NRG4: variants seen among roughly 807,000 people sequenced by gnomAD.
NRG4 encodes the protein pro-neuregulin-4, membrane-bound isoform.
In NRG4, 10 loss-of-function variants were observed where a neutral mutation model predicts 15.0. The ratio of observed to expected loss-of-function variants is 0.67; its 90% CI spans 0.41 to 1.13. The LOEUF (loss-of-function observed/expected upper bound fraction) is 1.13, where lower values mean the gene tolerates loss of function less well. NRG4 is among the 50% of genes most tolerant of loss of function. NRG4 has a pLI of 0.00. For synonymous variants in NRG4, 41 were observed against 50.1 expected (o/e 0.82, Z 0.77); for missense variants, 139 against 140.2 (o/e 0.99, Z 0.04).
chr15:75,961,990 T>G lies in NRG4; in HGVS notation c.105-16A>C. On this transcript the variant is annotated splice_polypyrimidine_tract_variant and intron_variant, in intron 3 of 5. Transcript: ENST00000394907. ...TTCAACGCACCTACAGAATAAAATTTTAGATAAAGAATTGCATTCTGTGTT... is the reference window on the plus strand; with the variant it reads ...TTCAACGCACCTACAGAATAAAATTGTAGATAAAGAATTGCATTCTGTGTT... 2 of 1,584,208 alleles carry G rather than the reference T, an allele frequency of 1.3e-6. No homozygotes were observed. The highest frequency in any genetic ancestry group is 1.7e-6 in the Non-Finnish European group (2 of 1,164,366).
intron 5 of NRG4, among the ~76,000 whole-genome samples, chr15:76,020,618 A>G (rs1331807616): frequency 6.6e-6 from 1 of 152,196 alleles, no homozygotes; most frequent in African/African-American, 2.4e-5. Context: ...AAAATCACAA[A>G]AAAATCTTAT....
intron 3 of NRG4, among the ~76,000 whole-genome samples, chr15:75,995,758 T>C (rs1341507294): frequency 6.6e-6 from 1 of 152,174 alleles, no homozygotes; most frequent in African/African-American, 2.4e-5. Context: ...TAGCTGAATA[T>C]GCATTAACAT....
chr15:75,956,339 G>A (rs2032237249), intron 4 of NRG4, among the ~76,000 whole-genome samples: 1 of 152,038 alleles, frequency 6.6e-6, no homozygotes, highest in South Asian at 2.1e-4. Context: ...TGTAATTTTT[G>A]TGCTCTTTTT....
intron 3 of NRG4, chr15:75,969,045 G>A (rs2032969677): frequency 9.4e-6 from 3 of 318,648 alleles, no homozygotes; most frequent in Non-Finnish European, 1.9e-5. Flanking sequence ...ACCAGGAACA[G>A]CTGGAAAGAC....
chr15:76,041,923 G>A (rs2035752728), intron 4 of NRG4, among the ~76,000 whole-genome samples: 1 of 152,052 alleles, frequency 6.6e-6, no homozygotes, highest in Non-Finnish European at 1.5e-5. Flanking sequence ...TAGACCATAT[G>A]TTAGGTCAAA....
intron 3 of NRG4, among the ~76,000 whole-genome samples, chr15:75,988,606 C>G (rs1251252970): frequency 6.6e-6 from 1 of 152,140 alleles, no homozygotes; most frequent in African/African-American, 2.4e-5. Flanking sequence ...TAGGTCTTTG[C>G]TGAATGAAGA....
intron 5 of NRG4, among the ~76,000 whole-genome samples, chr15:75,946,641 G>A (rs1327971942): frequency 9.2e-5 from 14 of 152,132 alleles, no homozygotes; most frequent in African/African-American, 2.4e-5. Context: ...TTATAGGCGT[G>A]AGCCACCGCG....
At chr15:75,944,797 G>A (rs1441970787) in intron 5 of NRG4, among the ~76,000 whole-genome samples, 1 of 151,548 alleles carries the variant, frequency 6.6e-6, no homozygotes, top group African/African-American at 2.4e-5. Flanking sequence ...TTATAGTTAT[G>A]GTGTTGCAGT....
At chr15:76,017,014 T>C (rs2034998012), upstream of NRG4, among the ~76,000 whole-genome samples, 2 of 152,184 alleles carry the variant, frequency 1.3e-5, no homozygotes, top group Non-Finnish European at 2.9e-5. Flanking sequence ...TGCTCCTGTA[T>C]TGGGTGCATA....
chr15:76,009,091 C>A, intron 3 of NRG4, 109 bp downstream of exon 3: 1 of 712,260 alleles, frequency 1.4e-6, no homozygotes, highest in African/African-American at 1.8e-5. Context: ...ATGAATATGC[C>A]TCACATCTTT....
intron 4 of NRG4, chr15:75,958,924 CA>C (rs1420073900): frequency 5.4e-6 from 1 of 183,554 alleles, no homozygotes; most frequent in Admixed American, 6.0e-5. Flanking sequence ...AATGGGTTGG[CA>C]AAGGAATTTC....
At position 76,001,038 on chromosome 15, in the gene NRG4, G is replaced by A. The variant is rs529377235; in HGVS notation, c.104+8162C>T. Among the ~76,000 whole-genome samples the A allele has an allele frequency of 3.9e-5, 6 of 152,212 alleles. No individual in the cohort carries two copies. In the South Asian group the frequency reaches 1.2e-3, roughly 32 times the overall value. On this transcript the variant is annotated intron_variant, in intron 3 of 5. Coordinates refer to ENST00000394907, the MANE Select transcript of NRG4 (RefSeq NM_138573.4). ...GTTTTGCTCTGTTGCCCAGGCTGGA[G>A]TACAGTGGCATGATCATGTTCACTG...
intron 4 of NRG4, among the ~76,000 whole-genome samples, chr15:76,043,205 G>A (rs1022222142): frequency 2.0e-5 from 3 of 152,138 alleles, no homozygotes; most frequent in African/African-American, 7.2e-5. Flanking sequence ...TACTGAATGT[G>A]GAATAGCTGA....
At chr15:76,028,912 A>AAG (rs2035393019) in intron 5 of NRG4, among the ~76,000 whole-genome samples, 2 of 151,414 alleles carry the variant, frequency 1.3e-5, no homozygotes, top group African/African-American at 4.8e-5. Flanking sequence ...CCAAAAAAAA[A>AAG]AAAAAAAAAA....
At chr15:75,998,365 A>G (rs1226636750) in intron 3 of NRG4, among the ~76,000 whole-genome samples, 2 of 152,186 alleles carry the variant, frequency 1.3e-5, no homozygotes, top group Non-Finnish European at 2.9e-5. Flanking sequence ...GTGGTCTAGG[A>G]GGCATCATTG....
chr15:75,993,369 T>G (rs2034094452), intron 3 of NRG4, among the ~76,000 whole-genome samples: 1 of 144,590 alleles, frequency 6.9e-6, no homozygotes, highest in Non-Finnish European at 1.5e-5. Context: ...TTAACATCAT[T>G]TGACAAGTCA....
downstream of NRG4, chr15:75,940,653 T>C (rs867536159): frequency 3.3e-5 from 5 of 152,038 alleles, no homozygotes; most frequent in African/African-American, 4.8e-5. Flanking sequence ...GATAGACCAA[T>C]GGGATAGACT....
chr15:75,983,127 A>G (rs2033664843), intron 3 of NRG4, among the ~76,000 whole-genome samples: 1 of 152,232 alleles, frequency 6.6e-6, no homozygotes, highest in Admixed American at 6.5e-5. Context: ...CAAGAGAAAG[A>G]AAATAAATTG....
upstream of NRG4, among the ~76,000 whole-genome samples, chr15:76,017,275 G>A (rs891542930): frequency 5.4e-5 from 8 of 149,494 alleles, no homozygotes; most frequent in Non-Finnish European, 5.9e-5. Context: ...CACGCCAATG[G>A]GTCTTGAATC....
Sources: gnomAD v4.1 joint callset for allele counts (sites outside exome capture counted in the v4.1 genomes callset) on GRCh38, gnomAD v4.1.1 for gene constraint, MANE v1.5 for transcripts, NCBI Gene and HGNC (gene_info 2026-07-23, HGNC 2026-07-21) for gene names.